Variants in L3MBTL1 observed in about 807,000 individuals in gnomAD.
L3MBTL1 encodes L3MBTL histone methyl-lysine binding protein 1.
L3MBTL1 carries 75 observed loss-of-function variants against 105.3 expected under a neutral mutation model. The observed-to-expected ratio is 0.71, with a 90% confidence interval of 0.59 to 0.86. L3MBTL1 has a LOEUF of 0.86. L3MBTL1 is among the 40% of genes least tolerant of loss of function. The pLI, the probability that L3MBTL1 is intolerant of heterozygous loss-of-function variation, is 0.00. For synonymous variants in L3MBTL1, 452 were observed against 436.2 expected (o/e 1.04, Z -0.45); for missense variants, 1,069 against 1,126.4 (o/e 0.95, Z 0.73).
chr20:43,529,762 A>G (rs1381020397), intron 9 of L3MBTL1, among the ~76,000 whole-genome samples: 1 of 152,198 alleles, frequency 6.6e-6, no homozygotes, highest in Non-Finnish European at 1.5e-5. Flanking sequence ...CTGTCTGAGG[A>G]GCAGCAAAAG....
intron 18 of L3MBTL1, among the ~76,000 whole-genome samples, chr20:43,547,608 C>A (rs2145508812): frequency 6.6e-6 from 1 of 152,278 alleles, no homozygotes; most frequent in Non-Finnish European, 1.5e-5. Context: ...TCCCCCTGCC[C>A]CCCTCTGCTT....
chr20:43,550,098 C>T (rs1273166273), exon 19 of L3MBTL1: 1 of 152,114 alleles, frequency 6.6e-6, no homozygotes, highest in South Asian at 2.1e-4. Flanking sequence ...GACATTGGTA[C>T]CCCCTTGGCC....
chr20:43,509,270 G>T (rs908584056), intron 1 of L3MBTL1, among the ~76,000 whole-genome samples: 19 of 151,438 alleles, frequency 1.3e-4, no homozygotes, highest in Admixed American at 9.2e-4. Context: ...TGTCGCCCAG[G>T]CTCGAGTGTA....
At position 43,534,894 on chromosome 20, in the gene L3MBTL1, C is replaced by T; in HGVS notation, c.1777C>T (p.Pro593Ser). ...CGACGCTGACCACCCAGACATCCAC[C>T]CTGCCGGCTGGTGCTCCAAGACAGG... ...WIDADHPDIH[P>S]AGWCSKTGHP... The change falls in exon 16 of 22, where the codon CCT becomes TCT. Residue 593 changes from proline to serine, a missense_variant. Coordinates refer to ENST00000418998, the MANE Select transcript of L3MBTL1 (RefSeq NM_001377303.1). 6.2e-7 allele frequency: 1 copy of T among 1,609,684 alleles called. No individual in the cohort carries two copies. The highest frequency in any genetic ancestry group is 8.5e-7 in the Non-Finnish European group (1 of 1,179,670).
In L3MBTL1 at chr20:43,509,656, C is replaced by A. The variant is rs188110992; in HGVS notation, c.-29+1912C>A. Among the ~76,000 whole-genome samples the A allele has an allele frequency of 2.2e-4, 33 of 152,294 alleles. No individual in the cohort carries two copies. The East Asian group carries it at 2.7e-3, about 12-fold the overall frequency. ...ATTTTGTCATGTTTGTGACTGTAAC[C>A]CCAGAGCACAGAATGGTGGTGACAC... On this transcript the variant is annotated intron_variant, in intron 1 of 21. Transcript: ENST00000418998.
chr20:43,546,839 G>A (rs548114462), downstream of L3MBTL1, among the ~76,000 whole-genome samples: 6 of 152,258 alleles, frequency 3.9e-5, no homozygotes, highest in African/African-American at 1.2e-4. Flanking sequence ...TTTCACCCCT[G>A]AGGACATAAC....
At position 43,535,873 on chromosome 20, in the gene L3MBTL1, G is replaced by C. The variant is rs761773050; in HGVS notation, c.1862G>C (p.Cys621Ser). ...CCCAGCTCTGCCTCCCCTGGGGGCT[G>C]TCCCCCTCTCAGCTATAGGAGCCTG... ...REPSSASPGG[C>S]PPLSYRSLPH... is the part of the protein sequence containing the mutation. The change falls in exon 17 of 22, where the codon TGT becomes TCT. Residue 621 changes from cysteine to serine, a missense_variant. Coordinates refer to ENST00000418998, the MANE Select transcript of L3MBTL1 (RefSeq NM_001377303.1). 6.2e-7 allele frequency: 1 copy of C among 1,611,872 alleles called. No homozygotes were observed.
intron 19 of L3MBTL1, 176 bp from the exon 20 acceptor site, chr20:43,539,975 A>G (rs2019825820): frequency 2.9e-6 from 2 of 698,132 alleles, no homozygotes; most frequent in East Asian, 2.7e-5. Context: ...AGGAGTGAAC[A>G]CTGTGTGAGG....
chr20:43,538,242 C>T (rs2019731195), intron 19 of L3MBTL1, among the ~76,000 whole-genome samples: 1 of 152,198 alleles, frequency 6.6e-6, no homozygotes, highest in Non-Finnish European at 1.5e-5. Context: ...TGGTCAAGTC[C>T]ACTGCAGGAC....
chr20:43,513,439 C>T, intron 1 of L3MBTL1, 37 bp from the exon 2 acceptor site: 1 of 1,526,000 alleles, frequency 6.6e-7, no homozygotes, highest in Non-Finnish European at 8.8e-7. Context: ...ACAAAGGTCC[C>T]CACCTGATCA....
intron 11 of L3MBTL1, chr20:43,532,554 C>G: frequency 1.9e-6 from 1 of 518,134 alleles, no homozygotes; most frequent in Non-Finnish European, 3.4e-6. Flanking sequence ...CAAGCCAGGC[C>G]TCTGAGTGCA....
chr20:43,530,472 G>A (rs187185494), intron 10 of L3MBTL1, 53 bp downstream of exon 10: 17 of 1,573,550 alleles, frequency 1.1e-5, no homozygotes, highest in African/African-American at 8.2e-5. Context: ...CAGACCCTTC[G>A]CTTCTTCCCC....
chr20:43,548,290 T>A, exon 19 of L3MBTL1: 3 of 1,293,074 alleles, frequency 2.3e-6, no homozygotes, highest in Non-Finnish European at 3.0e-6. Context: ...TTGGCCTCCC[T>A]CTCCAGCTGA....
exon 19 of L3MBTL1, chr20:43,548,908 C>G (rs1600975089): frequency 6.6e-6 from 1 of 152,368 alleles, no homozygotes; most frequent in East Asian, 1.9e-4. Flanking sequence ...AGATTTTGAG[C>G]CAAGATGCCT....
At position 43,533,006 on chromosome 20, in the gene L3MBTL1, G is replaced by A; in HGVS notation, c.1436+82G>A. The A allele has an allele frequency of 5.1e-6, 7 of 1,382,842 alleles. No homozygotes were observed. In the South Asian group the frequency reaches 8.4e-5, roughly 17 times the overall value. The allele number at this position is 1,382,842 out of a possible 1,614,324, so 85.7% of individuals were successfully genotyped here. On this transcript the variant is annotated intron_variant, in intron 12 of 21. Transcript: ENST00000418998. ...GCTTTCATATCTCAGGTACCATGTG[G>A]CACCACTCAGTCCAGTTCTGACATT...
At chr20:43,535,125 C>A (rs1429524135) in intron 16 of L3MBTL1, among the ~76,000 whole-genome samples, 183 bp downstream of exon 16, 1 of 152,168 alleles carries the variant, frequency 6.6e-6, no homozygotes, top group Non-Finnish European at 1.5e-5. Context: ...CTAAGCAGTG[C>A]TTCTGGCTAC....
chr20:43,514,036 CCCCGCCCCCA>C lies in L3MBTL1; in HGVS notation c.336_345del (p.Pro113GlyfsTer8). On this transcript the variant is annotated frameshift_variant, in exon 3 of 22. Coordinates refer to ENST00000418998, the MANE Select transcript of L3MBTL1 (RefSeq NM_001377303.1). LOFTEE classifies it high-confidence loss of function. ...CTTCTGGAATGGACAGAGGCCGCGGCCCCGCCCCCAGGGGGCGGCCTGCGGGTCAGTGTCT... is the reference window on the plus strand; with the variant it reads ...CTTCTGGAATGGACAGAGGCCGCGGCGGGGGCGGCCTGCGGGTCAGTGTCT... The C allele has an allele frequency of 2.6e-6, 4 of 1,535,972 alleles. No individual in the cohort carries two copies. Among genetic ancestry groups the C allele is most frequent in the Non-Finnish European group, 3.5e-6 (4 of 1,146,478 alleles).
chr20:43,544,946 C>T (rs772070674), downstream of L3MBTL1, among the ~76,000 whole-genome samples: 21 of 151,742 alleles, frequency 1.4e-4, no homozygotes, highest in Admixed American at 2.6e-4. Context: ...AGCCTGGGCA[C>T]AGAGCAAGAC....
At chr20:43,542,912 T>A (rs2019969612), downstream of L3MBTL1, among the ~76,000 whole-genome samples, 1 of 152,222 alleles carries the variant, frequency 6.6e-6, no homozygotes, top group Admixed American at 6.5e-5. Context: ...CCATAATTTC[T>A]TGTTAATGGT....
Sources: allele counts gnomAD v4.1 joint callset (sites outside exome capture counted in the v4.1 genomes callset), GRCh38; gene constraint gnomAD v4.1.1; transcripts MANE v1.5; gene names NCBI Gene and HGNC (gene_info 2026-07-23, HGNC 2026-07-21).